GPC6: variants seen among roughly 807,000 people sequenced by gnomAD.
GPC6 encodes glypican-6.
A neutral mutation model predicts 55.2 loss-of-function variants in GPC6; 14 were observed. The observed-to-expected ratio is 0.25, with a 90% confidence interval of 0.17 to 0.40. The LOEUF is 0.40. Among genes scored for constraint, GPC6 ranks in the 10% least tolerant of loss-of-function variants. GPC6 has a pLI of 1.00. For missense variants in GPC6, 641 were observed against 708.5 expected, an observed-to-expected ratio of 0.90 and a Z score of 1.08; for synonymous variants, 278 against 259.6, an observed-to-expected ratio of 1.07 and a Z score of -0.68.
chr13:94,186,060 CAAA>C lies in GPC6; in HGVS notation c.878-100271_878-100269del, dbSNP rs3043529. Among the ~76,000 whole-genome samples, 229 of 87,246 alleles carry C rather than the reference CAAA, an allele frequency of 2.6e-3. 1 individual carries two copies. The highest frequency in any genetic ancestry group is 8.0e-3 in the African/African-American group (219 of 27,222). 57.2% of individuals were successfully genotyped at this position (87,246 alleles called of 152,430 possible). A position where few individuals can be genotyped will look rare whatever the true frequency, so the allele number is the denominator to read the frequency against. On this transcript the variant is annotated intron_variant, in intron 4 of 8. Coordinates refer to ENST00000377047, the MANE Select transcript of GPC6 (RefSeq NM_005708.5). Reference sequence around the variant, plus strand: ...AGGTGACAGAGCGAGACTCCGTCTCCAAAAAAAAAAAAAAAAAAAAGGTTTTCT... The same window carrying C: ...AGGTGACAGAGCGAGACTCCGTCTCCAAAAAAAAAAAAAAAAAGGTTTTCT...
At chr13:93,727,388 A>T (rs185096640) in intron 2 of GPC6, among the ~76,000 whole-genome samples, 1 of 152,072 alleles carries the variant, frequency 6.6e-6, no homozygotes. Context: ...CAATCTATCC[A>T]CATTTCATCA....
At chr13:93,947,086 C>T (rs1215635002) in intron 3 of GPC6, among the ~76,000 whole-genome samples, 1 of 152,136 alleles carries the variant, frequency 6.6e-6, no homozygotes, top group Non-Finnish European at 1.5e-5. Flanking sequence ...TGTGGTTCTT[C>T]AGTGATTCTT....
In GPC6 at chr13:93,227,109, G is replaced by C. The variant is rs1394521954; in HGVS notation, c.-348G>C. ...AGCCCGCAGCGCTCCAGGATTCTGC[G>C]GCTCGGAACTCGGATTGCAGCTCTG... On this transcript the variant is annotated 5_prime_UTR_variant, in exon 1 of 9. Transcript: ENST00000377047. The surrounding 1 kb of genome is among the most constrained non-coding windows in gnomAD (Gnocchi z 4.3). 1.1e-5 allele frequency: 2 copies of C among 179,306 alleles called. No individual in the cohort carries two copies. The highest frequency in any genetic ancestry group is 2.3e-5 in the Non-Finnish European group (2 of 85,676). 11.1% of individuals were successfully genotyped at this position (179,306 alleles called of 1,614,324 possible).
intron 4 of GPC6, among the ~76,000 whole-genome samples, chr13:94,085,856 A>C (rs1885263551): frequency 6.6e-6 from 1 of 152,152 alleles, no homozygotes. Flanking sequence ...GGAAATATTT[A>C]TGTAAAAAAT....
intron 1 of GPC6, among the ~76,000 whole-genome samples, chr13:93,412,881 C>G (rs1052337981): frequency 6.6e-6 from 1 of 152,070 alleles, no homozygotes; most frequent in East Asian, 1.9e-4. Flanking sequence ...ACTTTTTACC[C>G]CCTCCCACAG....
rs144365935 is a variant in GPC6 at position 94,003,961 on chromosome 13, C to T, written c.712-23768C>T. 2.5e-3 allele frequency among the ~76,000 whole-genome samples: 378 copies of T among 152,302 alleles called. 1 individual carries two copies. Among genetic ancestry groups the T allele is most frequent in the African/African-American group, 8.8e-3 (364 of 41,580 alleles). The stretch of plus-strand genomic sequence containing the variant: ...TGTGTCATTCAAAAACTATATTTTA[C>T]TGCTAATAGTACATAATCAAAGATA... On this transcript the variant is annotated intron_variant, in intron 3 of 8. Transcript: ENST00000377047.
chr13:93,992,106 A>G (rs1344828530), intron 3 of GPC6, among the ~76,000 whole-genome samples: 1 of 151,440 alleles, frequency 6.6e-6, no homozygotes, highest in Non-Finnish European at 1.5e-5. Context: ...TGTATAGTTT[A>G]TATGTGTGTA....
Position 93,417,045 on chromosome 13 carries a change from C to T in GPC6, c.161-128218C>T, listed in dbSNP as rs540014803. Among the ~76,000 whole-genome samples, 11 of 152,210 alleles carry T rather than the reference C, an allele frequency of 7.2e-5. 1 individual carries two copies. Among genetic ancestry groups the T allele is most frequent in the African/African-American group, 2.6e-4 (11 of 41,562 alleles). ...GGTGAGAAGCAATAATGTGAAGCTT[C>T]CAAATTCCATTGCTCTGTTTTTATT... On this transcript the variant is annotated intron_variant, in intron 1 of 8. Transcript: ENST00000377047.
At chr13:93,288,891 T>G (rs1566281498) in intron 1 of GPC6, among the ~76,000 whole-genome samples, 2 of 152,164 alleles carry the variant, frequency 1.3e-5, no homozygotes, top group African/African-American at 4.8e-5. Context: ...TGAGTAAATG[T>G]AAATCTTCAT....
chr13:94,374,489 T>A (rs896889098), intron 6 of GPC6, among the ~76,000 whole-genome samples: 3 of 141,732 alleles, frequency 2.1e-5, no homozygotes, highest in Non-Finnish European at 4.6e-5. Flanking sequence ...GGTAAAGGGA[T>A]CAATTCAACA....
At chr13:93,330,834 C>A (rs1879818252) in intron 1 of GPC6, among the ~76,000 whole-genome samples, 2 of 152,170 alleles carry the variant, frequency 1.3e-5, no homozygotes, top group African/African-American at 4.8e-5. Flanking sequence ...TAATCATACG[C>A]AAATCCCAAC....
intron 3 of GPC6, among the ~76,000 whole-genome samples, chr13:93,889,306 T>C (rs2140316279): frequency 6.6e-6 from 1 of 152,220 alleles, no homozygotes; most frequent in Admixed American, 6.6e-5. Flanking sequence ...TATAGTTTTT[T>C]TCCCCAAACG....
chr13:94,163,199 A>G (rs1888228654), intron 4 of GPC6, among the ~76,000 whole-genome samples: 1 of 152,134 alleles, frequency 6.6e-6, no homozygotes, highest in African/African-American at 2.4e-5. Context: ...AATTTTTATT[A>G]TGGGAATTTT....
intron 4 of GPC6, among the ~76,000 whole-genome samples, chr13:94,246,058 C>A: frequency 6.6e-6 from 1 of 152,022 alleles, no homozygotes; most frequent in Non-Finnish European, 1.5e-5. Context: ...GACATTCTAA[C>A]GGATATGAGG....
At chr13:94,211,214 G>T (rs1890066682) in intron 4 of GPC6, among the ~76,000 whole-genome samples, 1 of 152,064 alleles carries the variant, frequency 6.6e-6, no homozygotes, top group Admixed American at 6.6e-5. Flanking sequence ...TAGTAATCTT[G>T]CTGCTTCTGT....
intron 5 of GPC6, among the ~76,000 whole-genome samples, chr13:94,301,253 G>C (rs1455396541): frequency 6.6e-6 from 1 of 152,098 alleles, no homozygotes; most frequent in Non-Finnish European, 1.5e-5. Flanking sequence ...TCCATTAGCA[G>C]GGTGTGGTTG....
At chr13:93,251,450 T>A (rs1876784560) in intron 1 of GPC6, among the ~76,000 whole-genome samples, 1 of 152,174 alleles carries the variant, frequency 6.6e-6, no homozygotes, top group Non-Finnish European at 1.5e-5. Flanking sequence ...ACCCATTACA[T>A]AAACAATATG....
chr13:94,258,519 T>A (rs184032108), intron 4 of GPC6, among the ~76,000 whole-genome samples: 1 of 152,332 alleles, frequency 6.6e-6, no homozygotes, highest in Admixed American at 6.5e-5. Context: ...TGATGTTGCT[T>A]TTTCTATCCA....
rs185749886 is a variant in GPC6 at position 94,282,429 on chromosome 13, A to T, written c.878-3920A>T. ...GTCATGAGAACAGCATGAGAACAGG[A>T]TAACTGCCCCCATGATTCAATTATC... On this transcript the variant is annotated intron_variant, in intron 4 of 8. Coordinates refer to ENST00000377047, the MANE Select transcript of GPC6 (RefSeq NM_005708.5). 1.6e-4 allele frequency among the ~76,000 whole-genome samples: 24 copies of T among 152,338 alleles called. No homozygotes were observed. In the East Asian group the frequency reaches 3.3e-3, roughly 21 times the overall value.
Sources: allele counts gnomAD v4.1 joint callset (sites outside exome capture counted in the v4.1 genomes callset), GRCh38; gene constraint gnomAD v4.1.1; non-coding constraint Gnocchi (gnomAD v3.1); transcripts MANE v1.5; gene names NCBI Gene and HGNC (gene_info 2026-07-23, HGNC 2026-07-21).